FAM199X: variants seen among roughly 807,000 people sequenced by gnomAD.
FAM199X encodes the protein family with sequence similarity 199, X-linked, also known as protein FAM199X.
FAM199X carries 4 observed loss-of-function variants against 22.9 expected under a neutral mutation model. That is an observed-to-expected ratio of 0.17 (90% CI 0.09 to 0.40). The LOEUF is 0.40. FAM199X is among the 10% of genes least tolerant of loss of function. FAM199X has a pLI of 1.00. For synonymous variants in FAM199X, 101 were observed against 112.3 expected (o/e 0.90, Z 0.64); for missense variants, 183 against 306.8 (o/e 0.60, Z 3.01).
Position 104,166,746 on chromosome X carries a change from C to T in FAM199X, c.-40C>T. On this transcript the variant is annotated 5_prime_UTR_variant, in exon 1 of 6. Transcript: ENST00000493442. ...GGCAGGGGCGGGCGCGGGAGCAGCCCAGGGCCAGAGAGGGAGCCCGAGCCA... is the reference window on the plus strand; with the variant it reads ...GGCAGGGGCGGGCGCGGGAGCAGCCTAGGGCCAGAGAGGGAGCCCGAGCCA... 1 of 1,167,998 alleles carries T rather than the reference C, an allele frequency of 8.6e-7. No homozygotes were observed. Among genetic ancestry groups the T allele is most frequent in the Non-Finnish European group, 1.2e-6 (1 of 869,180 alleles).
At chrX:104,173,514 A>C (rs1413630158) in intron 1 of FAM199X, among the ~76,000 whole-genome samples, 1 of 111,511 alleles carries the variant, frequency 9.0e-6, no homozygotes, top group African/African-American at 3.3e-5. Flanking sequence ...CTTCTAAAAG[A>C]TTAGCCATAC....
At chrX:104,183,744 C>T (rs1457797543) in intron 2 of FAM199X, among the ~76,000 whole-genome samples, 2 of 112,126 alleles carry the variant, frequency 1.8e-5, no homozygotes, top group African/African-American at 3.2e-5. Context: ...GGATTACGGG[C>T]ATAAGCCACT....
chrX:104,186,003 A>G (rs1188718538), intron 2 of FAM199X, 63 bp from the exon 3 acceptor site: 16 of 1,045,131 alleles, frequency 1.5e-5, no homozygotes, highest in African/African-American at 5.7e-5. Context: ...ATATTGTAGT[A>G]TTTAAAATGT....
At position 104,188,153 on chromosome X, in the gene FAM199X, C is replaced by T. The variant is rs782361092; in HGVS notation, c.843C>T (p.Ser281=). The change falls in exon 5 of 6, where the codon AGC becomes AGT. Residue 281 remains serine (S), a synonymous_variant. Transcript: ENST00000493442. ...STSGVSGASA[S]ASSSSASMVS... The stretch of plus-strand genomic sequence containing the variant: ...GTGGAGTGAGCGGTGCCAGTGCCAG[C>T]GCCAGCAGCAGCAGTGCCAGCATGG... 66 of 1,211,730 alleles carry T rather than the reference C, an allele frequency of 5.4e-5. No individual in the cohort carries two copies. The highest frequency in any genetic ancestry group is 2.3e-4 in the Middle Eastern group (1 of 4,342).
rs1445110631 is a variant in FAM199X, at chrX:104,192,910, A to G, written c.*3132A>G. On this transcript the variant is annotated 3_prime_UTR_variant, in exon 6 of 6. Transcript: ENST00000493442. ...CATAAAGGAAAAATTATAGGAAACT[A>G]TAGCGGTATCCAGATTCTGATGAGC... The G allele has an allele frequency of 8.9e-6, 1 of 111,908 alleles. No homozygotes were observed. The highest frequency in any genetic ancestry group is 3.2e-5 in the African/African-American group (1 of 30,943). The allele number at this position is 111,908 out of a possible 1,213,427, so 9.2% of individuals were successfully genotyped here.
rs1921979094 is a variant in FAM199X at position 104,193,072 on chromosome X, A to T, written c.*3294A>T. The T allele has an allele frequency of 9.0e-6, 1 of 111,585 alleles. No homozygotes were observed. Among genetic ancestry groups the T allele is most frequent in the Non-Finnish European group, 1.9e-5 (1 of 52,926 alleles). 9.2% of individuals were successfully genotyped at this position (111,585 alleles called of 1,213,427 possible). On this transcript the variant is annotated 3_prime_UTR_variant, in exon 6 of 6. Coordinates refer to ENST00000493442, the MANE Select transcript of FAM199X (RefSeq NM_207318.4). ...TTTGTGGCTTACTCTGTATAGCCTCATGTGCCTTAAAGGTGGTGAACTCTA... is the reference window on the plus strand; with the variant it reads ...TTTGTGGCTTACTCTGTATAGCCTCTTGTGCCTTAAAGGTGGTGAACTCTA...
upstream of FAM199X, among the ~76,000 whole-genome samples, chrX:104,161,581 G>C (rs1206419045): frequency 8.1e-5 from 9 of 111,791 alleles, 1 homozygote; most frequent in Non-Finnish European, 1.1e-4. Flanking sequence ...TGGGCGTGGT[G>C]GCTCACCCCT....
chrX:104,191,997 T>C lies in FAM199X; in HGVS notation c.*2219T>C, dbSNP rs781815229. On this transcript the variant is annotated 3_prime_UTR_variant, in exon 6 of 6. Transcript: ENST00000493442. ...TCCAGATGAACTGTCATTATAGTAC[T>C]ATAAATTAGAGATAGTCCATAAAGT... 1 of 112,010 alleles carries C rather than the reference T, an allele frequency of 8.9e-6. No homozygotes were observed. The highest frequency in any genetic ancestry group is 2.8e-4 in the East Asian group (1 of 3,590). The allele number at this position is 112,010 out of a possible 1,213,427, so 9.2% of individuals were successfully genotyped here. A position where few individuals can be genotyped will look rare whatever the true frequency, so the allele number is the denominator to read the frequency against.
At chrX:104,157,527 G>A in the FAM199X span, among the ~76,000 whole-genome samples, 1 of 111,811 alleles carries the variant, frequency 8.9e-6, no homozygotes, top group African/African-American at 3.3e-5. Flanking sequence ...TTTTTCATCT[G>A]TAGAATTGGT....
intron 2 of FAM199X, among the ~76,000 whole-genome samples, chrX:104,180,242 A>G (rs376304512): frequency 9.5e-6 from 1 of 105,166 alleles, no homozygotes; most frequent in Non-Finnish European, 1.9e-5. Flanking sequence ...TGGCCTCCCA[A>G]TGTGGTGGGA....
At chrX:104,171,715 A>G (rs1255948034) in intron 1 of FAM199X, among the ~76,000 whole-genome samples, 2 of 111,940 alleles carry the variant, frequency 1.8e-5, no homozygotes, top group African/African-American at 3.2e-5. Flanking sequence ...ATTTGCTCCT[A>G]TATTGTTGGG....
chrX:104,175,892 A>G, intron 2 of FAM199X, 50 bp downstream of exon 2: 1 of 927,758 alleles, frequency 1.1e-6, no homozygotes, highest in Non-Finnish European at 1.5e-6. Context: ...AAGTAGAAGT[A>G]TAAACTTTTC....
At chrX:104,186,306 T>G (rs1556379125) in intron 3 of FAM199X, 91 bp downstream of exon 3, 3 of 1,097,397 alleles carry the variant, frequency 2.7e-6, no homozygotes, top group Non-Finnish European at 3.7e-6. Context: ...TGGGGAAATG[T>G]GGATTGCTTA....
At chrX:104,167,893 G>A (rs1245419717) in intron 1 of FAM199X, among the ~76,000 whole-genome samples, 1 of 108,660 alleles carries the variant, frequency 9.2e-6, no homozygotes, top group African/African-American at 3.4e-5. Context: ...ATATACAAAG[G>A]GCTGGGGGGG....
chrX:104,160,092 T>C, the FAM199X span, among the ~76,000 whole-genome samples: 1 of 112,259 alleles, frequency 8.9e-6, no homozygotes, highest in Non-Finnish European at 1.9e-5. Flanking sequence ...ACCCTAATAC[T>C]CATCATGCTC....
At chrX:104,182,005 T>TG (rs1296433772) in intron 2 of FAM199X, among the ~76,000 whole-genome samples, 1 of 104,635 alleles carries the variant, frequency 9.6e-6, no homozygotes, top group Non-Finnish European at 1.9e-5. Context: ...TTTTTTTTTT[T>TG]GAGATGTAAT....
At chrX:104,161,866 G>A (rs1369105428), upstream of FAM199X, among the ~76,000 whole-genome samples, 1 of 110,768 alleles carries the variant, frequency 9.0e-6, no homozygotes, top group Admixed American at 9.6e-5. Flanking sequence ...AGAAGAAGAA[G>A]AAAATTATAT....
Position 104,188,054 on chromosome X carries a change from C to T in FAM199X, c.744C>T (p.Ile248=), listed in dbSNP as rs1288074103. ...DEKLKQVRNY[I]KEHSPRQRPA... is the part of the protein sequence containing the mutation. Reference sequence around the variant, plus strand: ...TGCATCCCAAGGTCAGAAACTATATCAAGGAACATAGCCCTCGCCAACGGC... The same window carrying T: ...TGCATCCCAAGGTCAGAAACTATATTAAGGAACATAGCCCTCGCCAACGGC... Residue 248 remains isoleucine (I), a synonymous_variant, in exon 5 of 6, where the codon ATC becomes ATT. Transcript: ENST00000493442. 1 of 1,211,231 alleles carries T rather than the reference C, an allele frequency of 8.3e-7. No individual in the cohort carries two copies. Among genetic ancestry groups the T allele is most frequent in the Non-Finnish European group, 1.1e-6 (1 of 895,051 alleles).
At position 104,175,835 on chromosome X, in the gene FAM199X, A is replaced by T; in HGVS notation, c.410A>T (p.Glu137Val). ...TYWDWSDSEF[E>V]WQLPGSDIAS... ...TGGGATTGGTCAGATAGCGAGTTTG[A>T]ATGGCAGGTAAGTTTTTTTGTCCTT... The change falls in exon 2 of 6, where the codon GAA becomes GTA. Residue 137 changes from glutamate to valine, a missense_variant. By Grantham distance (121) the Glu-to-Val change is moderately radical (BLOSUM62 -2). Coordinates refer to ENST00000493442, the MANE Select transcript of FAM199X (RefSeq NM_207318.4). 8.3e-7 allele frequency: 1 copy of T among 1,198,846 alleles called. No homozygotes were observed. The highest frequency in any genetic ancestry group is 1.1e-6 in the Non-Finnish European group (1 of 887,178).
Sources: gnomAD v4.1 joint callset for allele counts (sites outside exome capture counted in the v4.1 genomes callset) on GRCh38, gnomAD v4.1.1 for gene constraint, MANE v1.5 for transcripts, NCBI Gene and HGNC (gene_info 2026-07-23, HGNC 2026-07-21) for gene names.